NFRKB: variants seen among roughly 807,000 people sequenced by gnomAD.
NFRKB encodes the protein nuclear factor related to kappaB binding protein, also known as nuclear factor related to kappa-B-binding protein.
In NFRKB, 62 loss-of-function variants were observed where a neutral mutation model predicts 135.7. The observed-to-expected ratio is 0.46, with a 90% CI of 0.37 to 0.56. NFRKB has a LOEUF of 0.56. Among genes scored for constraint, NFRKB ranks in the 20% least tolerant of loss-of-function variants. NFRKB has a pLI of 0.00. For synonymous variants in NFRKB, 678 were observed against 635.6 expected (o/e 1.07, Z -1.00); for missense variants, 1,545 against 1,662.0 (o/e 0.93, Z 1.22).
At chr11:129,889,507 G>A (rs1949436881) in intron 3 of NFRKB, among the ~76,000 whole-genome samples, 1 of 151,788 alleles carries the variant, frequency 6.6e-6, no homozygotes. Flanking sequence ...CACCAGCTAA[G>A]AGTGAGAAGA....
intron 23 of NFRKB, among the ~76,000 whole-genome samples, chr11:129,870,714 A>G (rs918470429): frequency 2.8e-4 from 42 of 152,134 alleles, no homozygotes; most frequent in African/African-American, 1.0e-3. Context: ...CTACAGGTGT[A>G]CAACTGAGCC....
At position 129,874,655 on chromosome 11, in the gene NFRKB, A is replaced by G; in HGVS notation, c.1979-75T>C. On this transcript the variant is annotated intron_variant, in intron 19 of 26. Transcript: ENST00000682444. The surrounding 1 kb of genome is among the most constrained non-coding windows in gnomAD (Gnocchi z 4.5). ...AAAAAGAGGGGCTTTGTTAAAAACCAACACCTTGCCAGTGGACTGAATCCT... is the reference window on the plus strand; with the variant it reads ...AAAAAGAGGGGCTTTGTTAAAAACCGACACCTTGCCAGTGGACTGAATCCT... The G allele has an allele frequency of 6.2e-7, 1 of 1,604,506 alleles. No individual in the cohort carries two copies. The highest frequency in any genetic ancestry group is 8.5e-7 in the Non-Finnish European group (1 of 1,174,236).
intron 24 of NFRKB, among the ~76,000 whole-genome samples, chr11:129,866,315 G>C (rs150747411): frequency 3.3e-5 from 5 of 152,230 alleles, no homozygotes; most frequent in African/African-American, 7.2e-5. Flanking sequence ...AAGATTCTGA[G>C]TTCCTTGGAG....
rs554239254 is a variant in NFRKB at position 129,893,082 on chromosome 11, G to A, written c.-21-212C>T. 2.8e-6 allele frequency: 4 copies of A among 1,415,968 alleles called. No individual in the cohort carries two copies. In the African/African-American group the frequency reaches 4.3e-5, roughly 15 times the overall value. 87.7% of individuals were successfully genotyped at this position (1,415,968 alleles called of 1,614,324 possible). A position where few individuals can be genotyped will look rare whatever the true frequency, so the allele number is the denominator to read the frequency against. ...CTTACCTGGAAGAGCTCTTTTCTCAGAATGCTCCTACAGTAACTCCTAAAT... is the reference window on the plus strand; with the variant it reads ...CTTACCTGGAAGAGCTCTTTTCTCAAAATGCTCCTACAGTAACTCCTAAAT... On this transcript the variant is annotated intron_variant, in intron 2 of 26. Transcript: ENST00000682444.
At chr11:129,864,933 C>A in intron 26 of NFRKB, 33 bp downstream of exon 26, 2 of 1,611,980 alleles carry the variant, frequency 1.2e-6, no homozygotes, top group East Asian at 2.2e-5. Context: ...AGAGAGGAGC[C>A]GGATATGGCC....
In NFRKB at chr11:129,874,295, G is replaced by A; in HGVS notation, c.2097C>T (p.Ser699=). 6.6e-7 allele frequency: 1 copy of A among 1,517,350 alleles called. No individual in the cohort carries two copies. The highest frequency in any genetic ancestry group is 1.4e-5 in the South Asian group (1 of 73,922). 94.0% of individuals were successfully genotyped at this position (1,517,350 alleles called of 1,614,324 possible). A position where few individuals can be genotyped will look rare whatever the true frequency, so the allele number is the denominator to read the frequency against. Residue 699 remains serine (S), a synonymous_variant, in exon 21 of 27, where the codon AGC becomes AGT. Coordinates refer to ENST00000682444, the MANE Select transcript of NFRKB (RefSeq NM_001143835.2). The surrounding 1 kb of genome is among the most constrained non-coding windows in gnomAD (Gnocchi z 4.5). ...TCTGGCTCTGCTCAGAAGGGCCACT[G>A]CTAAGGACCTTTATGGAGCTCTCCT... ...SSKESSIKVL[S]SGPSEQSQMS...
chr11:129,873,187 A>G lies in NFRKB; in HGVS notation c.2551-91T>C, dbSNP rs944318801. 4.7e-5 allele frequency: 54 copies of G among 1,161,130 alleles called. No individual in the cohort carries two copies. The African/African-American group carries it at 8.1e-4, about 17-fold the overall frequency. 71.9% of individuals were successfully genotyped at this position (1,161,130 alleles called of 1,614,324 possible). A position where few individuals can be genotyped will look rare whatever the true frequency, so the allele number is the denominator to read the frequency against. ...GAGTCTCCCTCAGCACCCCGGAAGC[A>G]TTGCTCTCAAAGAGCTTCTAATCCC... On this transcript the variant is annotated intron_variant, in intron 22 of 26. Coordinates refer to ENST00000682444, the MANE Select transcript of NFRKB (RefSeq NM_001143835.2).
Position 129,888,650 on chromosome 11 carries a change from C to T in NFRKB, c.281G>A (p.Ser94Asn), listed in dbSNP as rs1429396801. 1 of 1,614,202 alleles carries T rather than the reference C, an allele frequency of 6.2e-7. No individual in the cohort carries two copies. Residue 94 changes from serine to asparagine, a missense_variant, in exon 4 of 27, where the codon AGT (serine) becomes AAT (asparagine). Transcript: ENST00000682444. Reference sequence around the variant, plus strand: ...GTTTCCAAAGCGGAAGTTCTCCCCACTGAACAAGGCTAAGATGAGTTCATT... The same window carrying T: ...GTTTCCAAAGCGGAAGTTCTCCCCATTGAACAAGGCTAAGATGAGTTCATT... ...QQNELILALF[S>N]GENFRFGNPL... is the part of the protein sequence containing the mutation.
At chr11:129,884,444 T>A (rs73016823) in intron 7 of NFRKB, among the ~76,000 whole-genome samples, 1,735 of 152,366 alleles carry the variant, frequency 0.011, 25 homozygotes, top group Non-Finnish European at 0.018. Flanking sequence ...TGGCTCTGGT[T>A]ATTCCTTTGT....
Position 129,874,555 on chromosome 11 carries a change from A to G in NFRKB, c.2004T>C (p.Ala668=). ...GAAGAGCTTTTCTGGCTTTAGCTGCAGCTGCTTGTGCTTGGTGAATCCGCT... is the reference window on the plus strand; with the variant it reads ...GAAGAGCTTTTCTGGCTTTAGCTGCGGCTGCTTGTGCTTGGTGAATCCGCT... The part of the protein sequence containing the change: ...EFERIHQAQA[A]AAKARKALQQ... Residue 668 remains alanine, a synonymous_variant, in exon 20 of 27, where the codon GCT becomes GCC. Coordinates refer to ENST00000682444, the MANE Select transcript of NFRKB (RefSeq NM_001143835.2). This position sits in a 1 kb window ranked among gnomAD's most constrained non-coding sequence, Gnocchi z 4.5. The G allele has an allele frequency of 6.2e-7, 1 of 1,614,170 alleles. No homozygotes were observed. Among genetic ancestry groups the G allele is most frequent in the Non-Finnish European group, 8.5e-7 (1 of 1,180,040 alleles).
chr11:129,884,683 A>C, intron 7 of NFRKB, 62 bp downstream of exon 7: 1 of 1,590,960 alleles, frequency 6.3e-7, no homozygotes, highest in Non-Finnish European at 8.6e-7. Context: ...CTCCCTCTAA[A>C]GGAGTTTTCA....
At position 129,884,768 on chromosome 11, in the gene NFRKB, G is replaced by T; in HGVS notation, c.719C>A (p.Ser240Ter). Reference protein sequence around the residue: ...AVPLRVVPTLSTTDMKTADKV... With the variant: ...AVPLRVVPTL ...ACCTGCAGTTTTCATATCCGTGGTT[G>T]AAAGTGTGGGCACCACCCGCAGGGG... The change falls in exon 7 of 27, where the codon TCA becomes TAA. Residue 240 changes from serine to a stop codon, truncating the protein, a stop_gained. Coordinates refer to ENST00000682444, the MANE Select transcript of NFRKB (RefSeq NM_001143835.2). LOFTEE classifies it high-confidence loss of function. 1.2e-6 allele frequency: 2 copies of T among 1,614,116 alleles called. No homozygotes were observed. Among genetic ancestry groups the T allele is most frequent in the Non-Finnish European group, 1.7e-6 (2 of 1,180,028 alleles).
chr11:129,880,637 T>A (rs969721368), intron 13 of NFRKB, among the ~76,000 whole-genome samples: 1 of 152,102 alleles, frequency 6.6e-6, no homozygotes, highest in Non-Finnish European at 1.5e-5. Context: ...TAAACCCCCA[T>A]CCTCTCTGGT....
chr11:129,883,500 T>C (rs1189803546), intron 8 of NFRKB, among the ~76,000 whole-genome samples: 2 of 152,214 alleles, frequency 1.3e-5, no homozygotes, highest in African/African-American at 2.4e-5. Flanking sequence ...TAAGTATTAC[T>C]ATGTTTTACA....
In NFRKB at chr11:129,880,232, G is replaced by A. The variant is rs114732513; in HGVS notation, c.1384+1211C>T. On this transcript the variant is annotated intron_variant, in intron 13 of 26. Transcript: ENST00000682444. ...TAAATAAATTTTAAAAACTAAACTC[G>A]GGATCTCCACCCTCCAAGTCCAGTC... Among the ~76,000 whole-genome samples, 1,006 of 151,908 alleles carry A rather than the reference G, an allele frequency of 6.6e-3. 10 individuals carry two copies. Among genetic ancestry groups the A allele is most frequent in the African/African-American group, 0.023 (959 of 41,402 alleles).
Position 129,873,953 on chromosome 11 carries a change from C to T in NFRKB, c.2342G>A (p.Ser781Asn), listed in dbSNP as rs1948640196. ...HLGTMLSPAS[S>N]QTAPSSQAAA... Reference sequence around the variant, plus strand: ...AGCCTGAGAACTGGGTGCAGTCTGGCTGGAAGCTGGGGAAAGCATTGTTCC... The same window carrying T: ...AGCCTGAGAACTGGGTGCAGTCTGGTTGGAAGCTGGGGAAAGCATTGTTCC... Residue 781 changes from serine (S) to asparagine (N), a missense_variant, in exon 22 of 27, where the codon AGC becomes AAC. Transcript: ENST00000682444. The T allele has an allele frequency of 6.2e-7, 1 of 1,612,994 alleles. No homozygotes were observed. Among genetic ancestry groups the T allele is most frequent in the Non-Finnish European group, 8.5e-7 (1 of 1,180,008 alleles).
At chr11:129,884,027 A>G (rs1229812175) in intron 8 of NFRKB, 43 bp downstream of exon 8, 3 of 1,602,646 alleles carry the variant, frequency 1.9e-6, no homozygotes, top group Non-Finnish European at 2.6e-6. Context: ...ATCCTGAGAC[A>G]TCAGGCTGAA....
intron 13 of NFRKB, 115 bp from the exon 14 acceptor site, chr11:129,878,658 G>A: frequency 1.1e-6 from 1 of 896,000 alleles, no homozygotes; most frequent in Non-Finnish European, 1.7e-6. Context: ...AGGAGCTGTA[G>A]CAACAATCCT....
In NFRKB at chr11:129,864,591, G is replaced by A; in HGVS notation, c.*134C>T. On this transcript the variant is annotated 3_prime_UTR_variant, in exon 27 of 27. Coordinates refer to ENST00000682444, the MANE Select transcript of NFRKB (RefSeq NM_001143835.2). ...CAGCAGAATCCAGGCCACGAATCCA[G>A]GCCACCGTTGCCATCACCCCTCGCC... is the stretch of plus-strand genomic sequence containing the variant. The A allele has an allele frequency of 7.8e-7, 1 of 1,274,252 alleles. No individual in the cohort carries two copies. The highest frequency in any genetic ancestry group is 1.1e-6 in the Non-Finnish European group (1 of 917,952). 78.9% of individuals were successfully genotyped at this position (1,274,252 alleles called of 1,614,324 possible).
Sources: allele counts gnomAD v4.1 joint callset (sites outside exome capture counted in the v4.1 genomes callset), GRCh38; gene constraint gnomAD v4.1.1; non-coding constraint Gnocchi (gnomAD v3.1); transcripts MANE v1.5; gene names NCBI Gene and HGNC (gene_info 2026-07-23, HGNC 2026-07-21).